The following NGEF variants were observed in gnomAD, a reference collection of about 807,000 sequenced individuals.
NGEF encodes the protein neuronal guanine nucleotide exchange factor, also known as ephexin-1.
A neutral mutation model predicts 80.9 loss-of-function variants in NGEF; 31 were observed. The ratio of observed to expected loss-of-function variants is 0.38; its 90% CI spans 0.29 to 0.52. The LOEUF is 0.52. Ranked by LOEUF, NGEF falls within the 20% of genes least tolerant of loss-of-function variation. The pLI, the probability that NGEF is intolerant of heterozygous loss-of-function variation, is 0.84. For missense variants in NGEF, 709 were observed against 926.2 expected, an observed-to-expected ratio of 0.77 and a Z score of 3.04; for synonymous variants, 371 against 370.2, an observed-to-expected ratio of 1.00 and a Z score of -0.03.
chr2:232,955,334 C>T (rs1693799442), intron 3 of NGEF, among the ~76,000 whole-genome samples: 1 of 152,110 alleles, frequency 6.6e-6, no homozygotes, highest in East Asian at 1.9e-4. Flanking sequence ...CCATCAAAAC[C>T]AGGAAGTCAG....
At position 232,953,112 on chromosome 2, in the gene NGEF, A is replaced by G. The variant is rs575930318; in HGVS notation, c.383+17102T>C. The stretch of plus-strand genomic sequence containing the variant: ...AGGTCAGATGTTCGAGACCAGCCTG[A>G]CCAAGATGGTGAAACCCTGTCTCTA... On this transcript the variant is annotated intron_variant, in intron 3 of 14. Transcript: ENST00000264051. Among the ~76,000 whole-genome samples the G allele has an allele frequency of 2.2e-4, 33 of 151,374 alleles. No individual in the cohort carries two copies. In the South Asian group the frequency reaches 3.7e-3, roughly 17 times the overall value.
rs779732421 is a variant in NGEF at position 232,974,854 on chromosome 2, G to A, written c.37C>T (p.Arg13Trp). ...CATTGATCACTTGCTGATTTCCTCC[G>A]GGTCTTTTCCAAATCTTCAGATTCC... Reference protein sequence around the residue: ...TRESEDLEKTRRKSASDQWNT... With the variant: ...TRESEDLEKTWRKSASDQWNT... The change falls in exon 2 of 15, where the codon CGG becomes TGG. Residue 13 changes from arginine to tryptophan, a missense_variant. Arg to Trp is a moderately radical substitution (Grantham distance 101). This residue lies in a region of NGEF where 283 missense variants were observed against 303.4 expected (regional missense o/e 0.93). Transcript: ENST00000264051. The A allele has an allele frequency of 6.2e-6, 10 of 1,613,668 alleles. No homozygotes were observed. The highest frequency in any genetic ancestry group is 5.0e-5 in the Admixed American group (3 of 59,940).
At chr2:232,978,074 GAC>G (rs145115910) in intron 1 of NGEF, among the ~76,000 whole-genome samples, 1,883 of 152,252 alleles carry the variant, frequency 0.012, 35 homozygotes, top group African/African-American at 0.043. Context: ...ATCCCTAACC[GAC>G]ACTGGACTGA....
chr2:232,899,906 TCACA>T (rs1242729537), intron 5 of NGEF, among the ~76,000 whole-genome samples: 1 of 128,544 alleles, frequency 7.8e-6, no homozygotes, highest in African/African-American at 3.1e-5. Context: ...ACACATGCTC[TCACA>T]GTCACTCATA....
chr2:232,904,303 T>C (rs1692438947), intron 5 of NGEF, among the ~76,000 whole-genome samples: 1 of 152,046 alleles, frequency 6.6e-6, no homozygotes. Flanking sequence ...AAGTCCATCT[T>C]TCTCTAGCTC....
chr2:232,988,036 C>CCT (rs1553558805), intron 1 of NGEF, among the ~76,000 whole-genome samples: 8,726 of 140,226 alleles, frequency 0.062, 485 homozygotes, highest in East Asian at 0.18. Flanking sequence ...GGGATGGTCT[C>CCT]GTGTGTGTGT....
chr2:232,961,524 G>A (rs1693951235), intron 3 of NGEF, among the ~76,000 whole-genome samples: 1 of 152,012 alleles, frequency 6.6e-6, no homozygotes, highest in Non-Finnish European at 1.5e-5. Flanking sequence ...ATGGAGTCTA[G>A]CTCTGTCGCC....
At chr2:232,894,638 A>T (rs1371324313) in intron 6 of NGEF, 118 bp downstream of exon 6, 1 of 1,022,948 alleles carries the variant, frequency 9.8e-7, no homozygotes, top group Non-Finnish European at 1.4e-6. Context: ...ATTATGGAAC[A>T]TTCCAAACAT....
intron 4 of NGEF, among the ~76,000 whole-genome samples, chr2:232,924,020 T>G (rs1158880050): frequency 1.3e-5 from 2 of 152,120 alleles, no homozygotes; most frequent in Non-Finnish European, 2.9e-5. Flanking sequence ...GTGGATCACC[T>G]GAGATCAGGA....
chr2:233,004,872 AT>A (rs1695054610), intron 1 of NGEF, among the ~76,000 whole-genome samples: 1 of 152,084 alleles, frequency 6.6e-6, no homozygotes, highest in Non-Finnish European at 1.5e-5. Flanking sequence ...AATGTACAAA[AT>A]TTGGGTGATG....
intron 1 of NGEF, among the ~76,000 whole-genome samples, chr2:232,976,959 G>A (rs985947924): frequency 3.3e-5 from 5 of 152,198 alleles, no homozygotes; most frequent in African/African-American, 1.2e-4. Context: ...TTGTGCGGTG[G>A]CTGGGAGGAC....
intron 5 of NGEF, among the ~76,000 whole-genome samples, chr2:232,900,033 T>C (rs1294913894): frequency 7.6e-4 from 42 of 55,614 alleles, no homozygotes; most frequent in Non-Finnish European, 1.0e-3. Flanking sequence ...TTCACTCACA[T>C]TCACTCACAC....
At chr2:232,980,019 C>T (rs890698008) in intron 1 of NGEF, among the ~76,000 whole-genome samples, 4 of 152,080 alleles carry the variant, frequency 2.6e-5, no homozygotes, top group Non-Finnish European at 4.4e-5. Flanking sequence ...GCAAATGGTG[C>T]GGCAGGGGTC....
chr2:232,970,999 G>A (rs963480318), intron 2 of NGEF, among the ~76,000 whole-genome samples: 1 of 152,162 alleles, frequency 6.6e-6, no homozygotes, highest in Non-Finnish European at 1.5e-5. Flanking sequence ...AATTTTTTTA[G>A]CATCTAACAA....
chr2:232,903,247 G>T (rs1288037327), intron 5 of NGEF, among the ~76,000 whole-genome samples: 2 of 152,154 alleles, frequency 1.3e-5, no homozygotes, highest in African/African-American at 2.4e-5. Flanking sequence ...AAATAATGCT[G>T]CAATGAACAC....
intron 1 of NGEF, among the ~76,000 whole-genome samples, chr2:232,991,477 TA>T (rs1446198202): frequency 3.3e-5 from 5 of 151,880 alleles, no homozygotes; most frequent in Non-Finnish European, 5.9e-5. Flanking sequence ...AATTAAAATT[TA>T]AAAAAACCAA....
chr2:232,917,126 T>A (rs967330280), intron 5 of NGEF, among the ~76,000 whole-genome samples: 3 of 152,190 alleles, frequency 2.0e-5, no homozygotes, highest in Non-Finnish European at 4.4e-5. Flanking sequence ...GGAAAGGGAG[T>A]TGTTTTTATG....
At chr2:232,917,213 G>C (rs1692822421) in intron 5 of NGEF, among the ~76,000 whole-genome samples, 2 of 152,216 alleles carry the variant, frequency 1.3e-5, no homozygotes, top group Admixed American at 1.3e-4. Context: ...AGCTTCTACT[G>C]AATGTGCTAA....
intron 1 of NGEF, among the ~76,000 whole-genome samples, chr2:232,979,357 T>TAC (rs375393249): frequency 0.11 from 12,628 of 110,196 alleles, 638 homozygotes; most frequent in South Asian, 0.21. Flanking sequence ...GAGATGATTT[T>TAC]ACACACACAC....
Sources: gnomAD v4.1 joint callset for allele counts (sites outside exome capture counted in the v4.1 genomes callset) on GRCh38, gnomAD v4.1.1 for gene constraint, gnomAD v4.1.1 regional missense constraint, MANE v1.5 for transcripts, NCBI Gene and HGNC (gene_info 2026-07-23, HGNC 2026-07-21) for gene names.